Variants in TIPIN observed in about 807,000 individuals in gnomAD.
TIPIN encodes TIMELESS-interacting protein.
In TIPIN, 29 loss-of-function variants were observed where a neutral mutation model predicts 35.6. The ratio of observed to expected loss-of-function variants is 0.82; its 90% confidence interval spans 0.61 to 1.11. The LOEUF (loss-of-function observed/expected upper bound fraction) is 1.11. Among genes scored for constraint, TIPIN ranks in the 50% most tolerant of loss-of-function variants. The pLI is 0.00. For missense variants in TIPIN, 296 were observed against 345.4 expected (o/e 0.86, Z 1.13); for synonymous variants, 102 against 121.5 (o/e 0.84, Z 1.06).
intron 6 of TIPIN, chr15:66,347,314 C>T: frequency 1.9e-6 from 1 of 515,566 alleles, no homozygotes; most frequent in Non-Finnish European, 3.9e-6. Flanking sequence ...GTACAACTAA[C>T]AAATGCAATC....
intron 1 of TIPIN, chr15:66,379,932 G>A (rs1430987576): frequency 1.5e-5 from 18 of 1,234,872 alleles, no homozygotes; most frequent in Non-Finnish European, 2.1e-5. Flanking sequence ...AGTACACACG[G>A]CAAAGGACCT....
rs1211807390 is a variant in TIPIN, at chr15:66,350,625, C to A, written c.288+900G>T. On this transcript the variant is annotated intron_variant, in intron 4 of 7. Transcript: ENST00000261881. ...CATCTCAAAAAAACAAAAAAAAAAA[C>A]ACTTAATAAAGTTAAAAGATAGTAG... 8.3e-5 allele frequency among the ~76,000 whole-genome samples: 12 copies of A among 143,974 alleles called. No individual in the cohort carries two copies. In the South Asian group the frequency reaches 2.7e-3, roughly 33 times the overall value. The allele number at this position is 143,974 out of a possible 152,430, so 94.5% of individuals were successfully genotyped here.
Position 66,352,922 on chromosome 15 carries a change from A to G in TIPIN, c.26T>C (p.Val9Ala). The stretch of plus-strand genomic sequence containing the variant: ...ATGCTCATAATCTGGTAGGTCAATC[A>G]CGCCATTCTCCTGTGGTTCTAGCAT... Reference protein sequence around the residue: MLEPQENGVIDLPDYEHVE... With the variant: MLEPQENGAIDLPDYEHVE... The change falls in exon 2 of 8, where the codon GTG becomes GCG. Residue 9 changes from valine (V) to alanine (A), a missense_variant. Physicochemically the swap from Val to Ala is moderately conservative, Grantham distance 64. Coordinates refer to ENST00000261881, the MANE Select transcript of TIPIN (RefSeq NM_017858.3). The G allele has an allele frequency of 6.2e-7, 1 of 1,614,046 alleles. No homozygotes were observed. The highest frequency in any genetic ancestry group is 1.1e-5 in the South Asian group (1 of 91,064).
chr15:66,372,277 A>G (rs2140491424), intron 1 of TIPIN, among the ~76,000 whole-genome samples: 1 of 152,314 alleles, frequency 6.6e-6, no homozygotes, highest in East Asian at 1.9e-4. Flanking sequence ...TTCTACCACC[A>G]TAGACTAGGT....
At chr15:66,367,769 T>C (rs543029002) in intron 1 of TIPIN, among the ~76,000 whole-genome samples, 3 of 152,090 alleles carry the variant, frequency 2.0e-5, no homozygotes, top group South Asian at 2.1e-4. Flanking sequence ...GACATTACTT[T>C]GTGTTGCTAT....
chr15:66,355,350 A>G (rs1429334489), intron 1 of TIPIN, among the ~76,000 whole-genome samples: 2 of 151,610 alleles, frequency 1.3e-5, no homozygotes, highest in Admixed American at 1.3e-4. Context: ...CTCAATATAT[A>G]TTTGATGAAT....
intron 7 of TIPIN, among the ~76,000 whole-genome samples, chr15:66,339,933 G>A (rs1437766183): frequency 2.0e-5 from 3 of 151,100 alleles, no homozygotes; most frequent in South Asian, 4.2e-4. Flanking sequence ...GCAGTGGCCC[G>A]ATCTCAGCTC....
Position 66,340,238 on chromosome 15 carries a change from G to GT in TIPIN, c.682+911dup, listed in dbSNP as rs559405368. Among the ~76,000 whole-genome samples, 660 of 125,866 alleles carry GT rather than the reference G, an allele frequency of 5.2e-3. 5 individuals are homozygous for GT. Among genetic ancestry groups the GT allele is most frequent in the African/African-American group, 0.019 (630 of 33,072 alleles). The allele number at this position is 125,866 out of a possible 152,430, so 82.6% of individuals were successfully genotyped here. ...TGTTGCCCAGGCTGGAGTGCAATGG[G>GT]TTGATCTCAGCTCACTGCAACCTCT... On this transcript the variant is annotated intron_variant, in intron 7 of 7. Transcript: ENST00000261881.
intron 1 of TIPIN, among the ~76,000 whole-genome samples, chr15:66,382,561 G>C (rs2093322104): frequency 6.6e-6 from 1 of 152,114 alleles, no homozygotes. Flanking sequence ...TTTTTGTAGA[G>C]ATGGGGTTTC....
intron 1 of TIPIN, among the ~76,000 whole-genome samples, chr15:66,384,020 G>C (rs531464516): frequency 4.6e-4 from 70 of 151,650 alleles, no homozygotes; most frequent in African/African-American, 1.7e-3. Context: ...TTTTTGAGAC[G>C]GAGTCTTGTT....
At chr15:66,380,058 G>A (rs1188559809) in intron 1 of TIPIN, 4 of 412,094 alleles carry the variant, frequency 9.7e-6, no homozygotes, top group Non-Finnish European at 1.7e-5. Context: ...CTGGAGTGCA[G>A]TGGCGCTATC....
chr15:66,343,061 C>A (rs957384569), intron 6 of TIPIN, among the ~76,000 whole-genome samples: 7 of 152,112 alleles, frequency 4.6e-5, no homozygotes, highest in African/African-American at 1.7e-4. Flanking sequence ...GAGAATGGGG[C>A]CCCCACTGAC....
intron 1 of TIPIN, among the ~76,000 whole-genome samples, chr15:66,372,327 A>G (rs939443557): frequency 6.6e-6 from 1 of 152,154 alleles, no homozygotes; most frequent in East Asian, 1.9e-4. Context: ...AAAAAATAAT[A>G]TTACTTTCTT....
At chr15:66,386,391 T>A (rs975174958) in intron 1 of TIPIN, 1 of 152,178 alleles carries the variant, frequency 6.6e-6, no homozygotes, top group African/African-American at 2.4e-5. Context: ...TGAGTATCCA[T>A]TTCCTTGCAC....
intron 1 of TIPIN, among the ~76,000 whole-genome samples, chr15:66,378,743 AT>A (rs138832748): frequency 4.1e-4 from 60 of 146,016 alleles, no homozygotes; most frequent in East Asian, 8.0e-4. Flanking sequence ...TTTCTTCCAT[AT>A]TTTTTTTTTT....
chr15:66,346,198 T>C (rs940693246), intron 6 of TIPIN, among the ~76,000 whole-genome samples: 29 of 151,972 alleles, frequency 1.9e-4, no homozygotes, highest in African/African-American at 7.0e-4. Flanking sequence ...TCCGCCCGTC[T>C]TGGCCTCCCA....
chr15:66,366,779 AAAAG>A (rs1292433173), intron 1 of TIPIN: 122 of 944,992 alleles, frequency 1.3e-4, no homozygotes, highest in Admixed American at 1.9e-4. Context: ...AAAAAAAAAA[AAAAG>A]AAAGAAAGAA....
At chr15:66,355,119 C>T (rs764232645) in intron 1 of TIPIN, among the ~76,000 whole-genome samples, 78 of 150,544 alleles carry the variant, frequency 5.2e-4, no homozygotes, top group Middle Eastern at 3.4e-3. Flanking sequence ...CTGCAAGCTC[C>T]GCCTCCCGGG....
intron 1 of TIPIN, chr15:66,379,693 T>C: frequency 1.2e-6 from 2 of 1,611,224 alleles, no homozygotes; most frequent in South Asian, 2.2e-5. Flanking sequence ...TGTACATGAC[T>C]ACAAATAGTC....
Sources: allele counts gnomAD v4.1 joint callset (sites outside exome capture counted in the v4.1 genomes callset), GRCh38; gene constraint gnomAD v4.1.1; transcripts MANE v1.5; gene names NCBI Gene and HGNC (gene_info 2026-07-23, HGNC 2026-07-21).